Variants in RPH3A observed in about 807,000 individuals in gnomAD.
RPH3A encodes the protein rabphilin-3A.
RPH3A carries 48 observed loss-of-function variants against 102.2 expected under a neutral mutation model. The observed-to-expected ratio is 0.47, with a 90% confidence interval of 0.37 to 0.60. RPH3A has a LOEUF of 0.60. Ranked by LOEUF, RPH3A falls within the 20% of genes least tolerant of loss-of-function variation. RPH3A has a pLI of 0.00. For missense variants in RPH3A, 781 were observed against 910.1 expected (o/e 0.86, Z 1.83); for synonymous variants, 310 against 324.3 (o/e 0.96, Z 0.47).
intron 1 of RPH3A, among the ~76,000 whole-genome samples, chr12:112,734,812 T>G (rs1162098771): frequency 6.6e-6 from 1 of 152,202 alleles, no homozygotes; most frequent in Non-Finnish European, 1.5e-5. Context: ...TCTCTTAGTA[T>G]GCTAATCCAT....
At chr12:112,593,308 A>G (rs2039492208) in intron 1 of RPH3A, among the ~76,000 whole-genome samples, 1 of 152,170 alleles carries the variant, frequency 6.6e-6, no homozygotes, top group Non-Finnish European at 1.5e-5. Flanking sequence ...TGAGCTGCCC[A>G]AATTTATGCT....
At chr12:112,609,771 A>G (rs2039624186) in intron 1 of RPH3A, among the ~76,000 whole-genome samples, 1 of 152,178 alleles carries the variant, frequency 6.6e-6, no homozygotes, top group Non-Finnish European at 1.5e-5. Flanking sequence ...ATTGTTCAAA[A>G]GCATCTCAGT....
At chr12:112,746,076 T>G (rs1327255068) in intron 1 of RPH3A, among the ~76,000 whole-genome samples, 1 of 152,184 alleles carries the variant, frequency 6.6e-6, no homozygotes, top group Non-Finnish European at 1.5e-5. Context: ...TTCTTCCTTG[T>G]CAGAGTACTA....
chr12:112,819,483 G>A (rs1271549435), intron 2 of RPH3A, among the ~76,000 whole-genome samples: 1 of 152,170 alleles, frequency 6.6e-6, no homozygotes, highest in African/African-American at 2.4e-5. Context: ...AAAAGGGGAG[G>A]TAGGATTGGA....
chr12:112,614,876 T>C (rs1364431825), intron 1 of RPH3A, among the ~76,000 whole-genome samples: 1 of 152,038 alleles, frequency 6.6e-6, no homozygotes, highest in African/African-American at 2.4e-5. Context: ...TCTTGAACTC[T>C]TGGGCTCAAG....
At chr12:112,814,773 G>A (rs972072971) in intron 2 of RPH3A, among the ~76,000 whole-genome samples, 1 of 152,138 alleles carries the variant, frequency 6.6e-6, no homozygotes, top group African/African-American at 2.4e-5. Flanking sequence ...ATCAAATGAG[G>A]TTGTATATGA....
intron 1 of RPH3A, among the ~76,000 whole-genome samples, chr12:112,693,757 C>G (rs949363059): frequency 1.3e-5 from 2 of 152,184 alleles, no homozygotes; most frequent in African/African-American, 4.8e-5. Context: ...CCTCACCATC[C>G]CATTATCTAG....
intron 1 of RPH3A, among the ~76,000 whole-genome samples, chr12:112,722,572 A>C (rs1295978889): frequency 6.6e-6 from 1 of 152,250 alleles, no homozygotes; most frequent in East Asian, 1.9e-4. Flanking sequence ...TCACTTGTGG[A>C]CATGAGTGGC....
rs191989083 is a variant in RPH3A, at chr12:112,713,966, T to G, written c.-139-78177T>G. 2.0e-3 allele frequency among the ~76,000 whole-genome samples: 306 copies of G among 152,294 alleles called. 1 individual carries two copies. Among genetic ancestry groups the G allele is most frequent in the South Asian group, 4.8e-3 (23 of 4,828 alleles). ...AGGCGACCATGGCCAAGTTGCCTAA[T>G]CTCACGGTGTGCCTCAGTTTCCCCA... On this transcript the variant is annotated intron_variant, in intron 1 of 21. Transcript: ENST00000543106.
At chr12:112,578,786 A>G (rs1357991822) in intron 1 of RPH3A, among the ~76,000 whole-genome samples, 1 of 152,248 alleles carries the variant, frequency 6.6e-6, no homozygotes, top group African/African-American at 2.4e-5. Context: ...AGGCAGAGCC[A>G]GAAAATACAA....
At chr12:112,725,688 A>T (rs1012822) in intron 1 of RPH3A, among the ~76,000 whole-genome samples, 252 of 152,060 alleles carry the variant, frequency 1.7e-3, no homozygotes, top group Non-Finnish European at 2.9e-3. Flanking sequence ...ACCCGTGATC[A>T]GATCGGAGCT....
At chr12:112,734,809 G>A (rs913619554) in intron 1 of RPH3A, among the ~76,000 whole-genome samples, 4 of 152,176 alleles carry the variant, frequency 2.6e-5, no homozygotes, top group African/African-American at 7.2e-5. Context: ...GTGTCTCTTA[G>A]TATGCTAATC....
chr12:112,805,035 AC>A (rs200517610), intron 2 of RPH3A, among the ~76,000 whole-genome samples: 7 of 152,086 alleles, frequency 4.6e-5, no homozygotes, highest in African/African-American at 1.7e-4. Context: ...CCTAGAAAAA[AC>A]AAACAAACAA....
At chr12:112,792,419 T>C (rs2041139346) in intron 2 of RPH3A, among the ~76,000 whole-genome samples, 156 bp downstream of exon 2, 1 of 152,242 alleles carries the variant, frequency 6.6e-6, no homozygotes, top group African/African-American at 2.4e-5. Flanking sequence ...CAGTGTTTTA[T>C]CACCTAAGCG....
intron 1 of RPH3A, among the ~76,000 whole-genome samples, chr12:112,644,254 C>A (rs2039911108): frequency 6.6e-6 from 1 of 152,136 alleles, no homozygotes; most frequent in Non-Finnish European, 1.5e-5. Flanking sequence ...GGAAATATAT[C>A]CATGTAACAA....
intron 1 of RPH3A, among the ~76,000 whole-genome samples, chr12:112,631,778 C>A (rs1390133598): frequency 1.3e-5 from 2 of 152,130 alleles, no homozygotes; most frequent in African/African-American, 2.4e-5. Context: ...CCTGCCTCAG[C>A]CTTACAAATT....
intron 2 of RPH3A, among the ~76,000 whole-genome samples, chr12:112,798,471 A>G (rs966262758): frequency 6.6e-6 from 1 of 152,170 alleles, no homozygotes; most frequent in Non-Finnish European, 1.5e-5. Context: ...GAATGGAAGC[A>G]GCTTTCAGCA....
At chr12:112,696,650 C>G (rs932230355) in intron 1 of RPH3A, among the ~76,000 whole-genome samples, 18 of 152,268 alleles carry the variant, frequency 1.2e-4, no homozygotes, top group African/African-American at 4.1e-4. Flanking sequence ...GAATGAAGGG[C>G]TCAGATAGGA....
chr12:112,631,234 C>T (rs1388546794), intron 1 of RPH3A, among the ~76,000 whole-genome samples: 1 of 152,098 alleles, frequency 6.6e-6, no homozygotes, highest in Non-Finnish European at 1.5e-5. Flanking sequence ...TCTTGTCACA[C>T]AAAAGCACTA....
Sources: gnomAD v4.1 joint callset for allele counts (sites outside exome capture counted in the v4.1 genomes callset) on GRCh38, gnomAD v4.1.1 for gene constraint, MANE v1.5 for transcripts, NCBI Gene and HGNC (gene_info 2026-07-23, HGNC 2026-07-21) for gene names.